TMEM181: variants seen among roughly 807,000 people sequenced by gnomAD.
TMEM181 encodes the protein G protein-coupled receptor 178.
A neutral mutation model predicts 71.9 loss-of-function variants in TMEM181; 39 were observed. The ratio of observed to expected loss-of-function variants is 0.54; its 90% confidence interval spans 0.42 to 0.71. The LOEUF is 0.71. Ranked by LOEUF, TMEM181 falls within the 30% of genes least tolerant of loss-of-function variation. The pLI is 0.00. For synonymous variants in TMEM181, 245 were observed against 228.8 expected (o/e 1.07, Z -0.64); for missense variants, 595 against 583.0 (o/e 1.02, Z -0.21).
In TMEM181 at chr6:158,631,321, A is replaced by C; in HGVS notation, c.1283-2A>C. 6.2e-7 allele frequency: 1 copy of C among 1,614,204 alleles called. No individual in the cohort carries two copies. Among genetic ancestry groups the C allele is most frequent in the Non-Finnish European group, 8.5e-7 (1 of 1,180,030 alleles). On this transcript the variant is annotated splice_acceptor_variant, in intron 15 of 16. Coordinates refer to ENST00000684151, the MANE Select transcript of TMEM181 (RefSeq NM_001376852.1). LOFTEE classifies it high-confidence loss of function. ...GATGCAAATGCTCTTGTTGGTTTTC[A>C]GAGTCCCAGCTGAAAGACAATCCTG...
chr6:158,561,125 G>T (rs1405918777), intron 1 of TMEM181, among the ~76,000 whole-genome samples: 1 of 152,174 alleles, frequency 6.6e-6, no homozygotes, highest in African/African-American at 2.4e-5. Context: ...GCTTATATGC[G>T]GTTTTTGAGG....
At chr6:158,549,595 T>C (rs917284385) in intron 1 of TMEM181, among the ~76,000 whole-genome samples, 1 of 152,202 alleles carries the variant, frequency 6.6e-6, no homozygotes, top group Admixed American at 6.5e-5. Context: ...TAATATTTAT[T>C]TGGGAGCAAA....
At chr6:158,598,897 G>A (rs1157420925) in intron 6 of TMEM181, among the ~76,000 whole-genome samples, 2 of 152,018 alleles carry the variant, frequency 1.3e-5, no homozygotes, top group East Asian at 1.9e-4. Context: ...TCCTGACCTC[G>A]TGATCCGCCT....
At chr6:158,537,259 C>G (rs1237705153) in intron 1 of TMEM181, among the ~76,000 whole-genome samples, 2 of 152,116 alleles carry the variant, frequency 1.3e-5, no homozygotes, top group African/African-American at 4.8e-5. Flanking sequence ...TCACGCGGCG[C>G]AGTCTGGGGA....
intron 1 of TMEM181, among the ~76,000 whole-genome samples, chr6:158,565,178 C>A (rs996716900): frequency 1.3e-5 from 2 of 152,240 alleles, no homozygotes. Context: ...TCTGCTTACC[C>A]GGATTGTATC....
At chr6:158,605,124 AAAAAAAAGT>A in intron 6 of TMEM181, 134 bp from the exon 7 acceptor site, 4 of 499,404 alleles carry the variant, frequency 8.0e-6, no homozygotes, top group South Asian at 2.3e-5. Context: ...CAAAAAAAAA[AAAAAAAAGT>A]GTGTGTGTGT....
At chr6:158,591,207 C>T (rs541106179) in intron 6 of TMEM181, among the ~76,000 whole-genome samples, 5 of 152,268 alleles carry the variant, frequency 3.3e-5, no homozygotes, top group African/African-American at 1.2e-4. Flanking sequence ...CGGCCGTCTC[C>T]TCCCCTCTGA....
intron 10 of TMEM181, among the ~76,000 whole-genome samples, chr6:158,618,178 T>A (rs1212752480): frequency 2.0e-5 from 3 of 152,232 alleles, no homozygotes; most frequent in Admixed American, 6.5e-5. Flanking sequence ...TGGGTGCATA[T>A]ATATTTAGGA....
At chr6:158,602,607 ATTT>A (rs1784730672) in intron 6 of TMEM181, among the ~76,000 whole-genome samples, 2 of 144,830 alleles carry the variant, frequency 1.4e-5, no homozygotes, top group African/African-American at 2.6e-5. Context: ...TGCAGTTTTA[ATTT>A]ATGTACTTTT....
At chr6:158,582,252 T>G (rs1015585044) in intron 3 of TMEM181, among the ~76,000 whole-genome samples, 4 of 152,132 alleles carry the variant, frequency 2.6e-5, no homozygotes, top group African/African-American at 9.7e-5. Context: ...ACAGTTTCTG[T>G]CTCTCAGGGT....
At chr6:158,602,869 A>C (rs1784742967) in intron 6 of TMEM181, among the ~76,000 whole-genome samples, 1 of 152,152 alleles carries the variant, frequency 6.6e-6, no homozygotes, top group Admixed American at 6.5e-5. Context: ...GGTGTGAGCC[A>C]CTGCACCTGG....
At chr6:158,553,777 C>T (rs1781789831) in intron 1 of TMEM181, among the ~76,000 whole-genome samples, 2 of 152,166 alleles carry the variant, frequency 1.3e-5, no homozygotes, top group African/African-American at 4.8e-5. Flanking sequence ...AACTAAAACG[C>T]ATTCGGGTTA....
intron 6 of TMEM181, among the ~76,000 whole-genome samples, chr6:158,603,662 C>T (rs955166740): frequency 7.4e-5 from 11 of 147,784 alleles, no homozygotes; most frequent in African/African-American, 2.5e-4. Flanking sequence ...CAATCTCTGT[C>T]GTGTCTAATC....
intron 7 of TMEM181, among the ~76,000 whole-genome samples, chr6:158,606,028 T>C (rs564280706): frequency 1.3e-5 from 2 of 152,212 alleles, no homozygotes; most frequent in Non-Finnish European, 2.9e-5. Flanking sequence ...ATTTAGGAAA[T>C]GTGTCCACCC....
intron 6 of TMEM181, among the ~76,000 whole-genome samples, chr6:158,596,660 C>T (rs961120447): frequency 1.4e-4 from 22 of 152,202 alleles, no homozygotes; most frequent in Middle Eastern, 3.4e-3. Flanking sequence ...AAAGACGTAC[C>T]CAAGACTGGG....
chr6:158,608,087 A>G (rs1267122867), intron 8 of TMEM181, among the ~76,000 whole-genome samples: 9 of 152,236 alleles, frequency 5.9e-5, no homozygotes, highest in African/African-American at 2.2e-4. Flanking sequence ...CCATTGGTTC[A>G]CTACCTTTCC....
chr6:158,590,410 T>G (rs1273710247), intron 6 of TMEM181, among the ~76,000 whole-genome samples: 1 of 152,100 alleles, frequency 6.6e-6, no homozygotes, highest in Non-Finnish European at 1.5e-5. Context: ...GTAGAAAGTT[T>G]GCTTGCCCTT....
At chr6:158,598,941 G>A (rs1336564490) in intron 6 of TMEM181, among the ~76,000 whole-genome samples, 6 of 152,164 alleles carry the variant, frequency 3.9e-5, no homozygotes, top group Non-Finnish European at 5.9e-5. Flanking sequence ...GATTACAGGC[G>A]TGAGCCACCG....
rs966945583 is a variant in TMEM181, at chr6:158,633,967, GTTAT to G, written c.*2084_*2087del. ...TAATTGTCCATGATTTTGGAATGCT[GTTAT>G]TTATCAGTAAATGTAAAATATTTGA... On this transcript the variant is annotated 3_prime_UTR_variant, in exon 17 of 17. Coordinates refer to ENST00000684151, the MANE Select transcript of TMEM181 (RefSeq NM_001376852.1). The G allele has an allele frequency of 6.6e-5, 10 of 152,088 alleles. No homozygotes were observed. Among genetic ancestry groups the G allele is most frequent in the South Asian group, 2.1e-4 (1 of 4,834 alleles). 9.4% of individuals were successfully genotyped at this position (152,088 alleles called of 1,614,324 possible).
Sources: gnomAD v4.1 joint callset for allele counts (sites outside exome capture counted in the v4.1 genomes callset) on GRCh38, gnomAD v4.1.1 for gene constraint, MANE v1.5 for transcripts, NCBI Gene and HGNC (gene_info 2026-07-23, HGNC 2026-07-21) for gene names.